Variants in B3GALT1 observed in about 807,000 individuals in gnomAD.
B3GALT1 encodes UDP-Gal:betaGlcNAc beta 1,3-galactosyltransferase, polypeptide 1.
Under a neutral mutation model 23.2 loss-of-function variants are expected in B3GALT1, and 10 were observed. The observed-to-expected ratio is 0.43, with a 90% CI of 0.27 to 0.73. B3GALT1 has a LOEUF of 0.73. B3GALT1 is among the 30% of genes least tolerant of loss of function. B3GALT1 has a pLI of 0.21. For synonymous variants in B3GALT1, 156 were observed against 141.5 expected (o/e 1.10, Z -0.73); for missense variants, 299 against 405.4 (o/e 0.74, Z 2.25).
chr2:167,863,949 A>G lies in B3GALT1; in HGVS notation c.-229-4862A>G, dbSNP rs1332250182. ...TCACGTCTGAAGACAACAGGAAAAA[A>G]GGTCAGTAGAAATAGTGATTCTGTG... On this transcript the variant is annotated intron_variant, in intron 4 of 4. Coordinates refer to ENST00000392690, the MANE Select transcript of B3GALT1 (RefSeq NM_020981.4). Among the ~76,000 whole-genome samples the G allele has an allele frequency of 2.6e-5, 4 of 151,952 alleles. No individual in the cohort carries two copies. In the South Asian group the frequency reaches 8.4e-4, roughly 32 times the overall value.
chr2:167,390,561 T>C (rs538579407), intron 1 of B3GALT1, among the ~76,000 whole-genome samples: 1 of 152,338 alleles, frequency 6.6e-6, no homozygotes, highest in Admixed American at 6.5e-5. Context: ...TTTATCTCCA[T>C]GTTTTTTCCA....
At chr2:167,701,965 G>A (rs1022691359) in intron 3 of B3GALT1, among the ~76,000 whole-genome samples, 9 of 152,140 alleles carry the variant, frequency 5.9e-5, no homozygotes, top group East Asian at 5.8e-4. Flanking sequence ...AAAATTTGGC[G>A]TGTCAGCTAC....
intron 2 of B3GALT1, among the ~76,000 whole-genome samples, chr2:167,598,371 G>C (rs1684818463): frequency 6.6e-6 from 1 of 151,996 alleles, no homozygotes; most frequent in Non-Finnish European, 1.5e-5. Context: ...TCAAAAGGAA[G>C]TTTTTAAGAT....
intron 3 of B3GALT1, among the ~76,000 whole-genome samples, chr2:167,669,254 T>A (rs1353688574): frequency 1.3e-5 from 2 of 152,202 alleles, no homozygotes; most frequent in Non-Finnish European, 2.9e-5. Context: ...CCATAATAAG[T>A]TTCAGGGTAG....
At chr2:167,295,492 C>T (rs1366591667) in intron 1 of B3GALT1, among the ~76,000 whole-genome samples, 2 of 151,842 alleles carry the variant, frequency 1.3e-5, no homozygotes, top group Non-Finnish European at 2.9e-5. Flanking sequence ...TTTTTGTTTT[C>T]CTCATAGGTT....
intron 1 of B3GALT1, among the ~76,000 whole-genome samples, chr2:167,442,000 G>T (rs1248951825): frequency 6.6e-6 from 1 of 151,740 alleles, no homozygotes; most frequent in Non-Finnish European, 1.5e-5. Context: ...TCTAGCATTA[G>T]GTATATCTCC....
At chr2:167,371,875 A>T (rs1218638154) in intron 1 of B3GALT1, among the ~76,000 whole-genome samples, 1 of 151,900 alleles carries the variant, frequency 6.6e-6, no homozygotes, top group East Asian at 1.9e-4. Flanking sequence ...AAAATTAGAG[A>T]CTTCTTAAAA....
At chr2:167,843,243 A>G (rs555369367) in intron 4 of B3GALT1, among the ~76,000 whole-genome samples, 1 of 152,220 alleles carries the variant, frequency 6.6e-6, no homozygotes. Context: ...GTCTAATTTG[A>G]CTGCCTTTAT....
intron 3 of B3GALT1, among the ~76,000 whole-genome samples, chr2:167,788,160 G>A (rs992614538): frequency 6.7e-6 from 1 of 148,200 alleles, no homozygotes; most frequent in African/African-American, 2.5e-5. Flanking sequence ...GGGAAATAGA[G>A]TTTCTTTAAA....
intron 1 of B3GALT1, among the ~76,000 whole-genome samples, chr2:167,409,498 G>T (rs1221683219): frequency 1.3e-5 from 2 of 151,810 alleles, no homozygotes; most frequent in Non-Finnish European, 2.9e-5. Flanking sequence ...ATTTCAGTAA[G>T]TTGATCTTCA....
At chr2:167,831,581 G>T (rs984966961) in intron 4 of B3GALT1, among the ~76,000 whole-genome samples, 1 of 151,964 alleles carries the variant, frequency 6.6e-6, no homozygotes, top group Non-Finnish European at 1.5e-5. Flanking sequence ...GTGGTGCAGC[G>T]GGAAGAAATG....
At chr2:167,797,550 C>T (rs1688564007) in intron 3 of B3GALT1, among the ~76,000 whole-genome samples, 1 of 152,192 alleles carries the variant, frequency 6.6e-6, no homozygotes, top group Non-Finnish European at 1.5e-5. Flanking sequence ...TGAGGAACTG[C>T]CACACTGTCT....
intron 1 of B3GALT1, among the ~76,000 whole-genome samples, chr2:167,332,265 C>A (rs1306787474): frequency 6.6e-6 from 1 of 152,058 alleles, no homozygotes; most frequent in African/African-American, 2.4e-5. Context: ...AGCTCCTGGC[C>A]GATTCTGAGG....
chr2:167,714,548 T>C, intron 3 of B3GALT1: 1 of 1,613,132 alleles, frequency 6.2e-7, no homozygotes, highest in Non-Finnish European at 8.5e-7. Flanking sequence ...ATTTGAAACA[T>C]CAAGTGCATT....
intron 3 of B3GALT1, among the ~76,000 whole-genome samples, chr2:167,745,639 A>C (rs1434238644): frequency 6.6e-6 from 1 of 152,032 alleles, no homozygotes; most frequent in African/African-American, 2.4e-5. Flanking sequence ...GTTGTTGAGA[A>C]TCTTACTATC....
chr2:167,465,168 T>C (rs1699325414), intron 1 of B3GALT1, among the ~76,000 whole-genome samples: 1 of 152,174 alleles, frequency 6.6e-6, no homozygotes, highest in Non-Finnish European at 1.5e-5. Flanking sequence ...AAGAGAAAAA[T>C]TAGTCCATTG....
intron 1 of B3GALT1, among the ~76,000 whole-genome samples, chr2:167,473,779 G>A (rs920909884): frequency 2.6e-5 from 4 of 152,146 alleles, no homozygotes; most frequent in Admixed American, 2.6e-4. Context: ...TTGTCTATCA[G>A]AAGAATAAAC....
intron 3 of B3GALT1, chr2:167,715,567 C>T (rs1687129032): frequency 1.5e-5 from 25 of 1,613,692 alleles, no homozygotes; most frequent in Non-Finnish European, 2.1e-5. Flanking sequence ...AAATATCTGC[C>T]ATCAGTTCAT....
intron 1 of B3GALT1, among the ~76,000 whole-genome samples, chr2:167,417,276 G>A (rs1698486317): frequency 6.6e-6 from 1 of 152,086 alleles, no homozygotes; most frequent in South Asian, 2.1e-4. Flanking sequence ...GATTGTCACA[G>A]GAATAGGACT....
Sources: allele counts gnomAD v4.1 joint callset (sites outside exome capture counted in the v4.1 genomes callset), GRCh38; gene constraint gnomAD v4.1.1; transcripts MANE v1.5; gene names NCBI Gene and HGNC (gene_info 2026-07-23, HGNC 2026-07-21).